The following CCDC82 variants were observed in gnomAD, a reference collection of about 807,000 sequenced individuals.
CCDC82 encodes the protein coiled-coil domain containing 82, also known as coiled-coil domain-containing protein 82.
In CCDC82, 47 loss-of-function variants were observed where a neutral mutation model predicts 60.6. That is an observed-to-expected ratio of 0.77 (90% CI 0.61 to 0.99). The LOEUF (loss-of-function observed/expected upper bound fraction) is 0.99, where lower values mean the gene tolerates loss of function less well. Among genes scored for constraint, CCDC82 ranks in the 50% least tolerant of loss-of-function variants. The pLI is 0.00. For missense variants in CCDC82, 588 were observed against 633.0 expected (o/e 0.93, Z 0.76); for synonymous variants, 212 against 207.4 (o/e 1.02, Z -0.19).
intron 6 of CCDC82, among the ~76,000 whole-genome samples, chr11:96,372,879 C>G (rs941164663): frequency 6.6e-6 from 1 of 151,306 alleles, no homozygotes; most frequent in East Asian, 1.9e-4. Context: ...AGAATGATGG[C>G]GGCACAAATG....
chr11:96,369,592 A>G (rs1865150057), intron 7 of CCDC82, among the ~76,000 whole-genome samples: 1 of 152,246 alleles, frequency 6.6e-6, no homozygotes, highest in Non-Finnish European at 1.5e-5. Flanking sequence ...TCACTATTAT[A>G]TGGGCATGGT....
intron 5 of CCDC82, among the ~76,000 whole-genome samples, chr11:96,377,893 T>C (rs1337934140): frequency 6.6e-6 from 1 of 152,074 alleles, no homozygotes; most frequent in African/African-American, 2.4e-5. Flanking sequence ...TCAAGAATAC[T>C]TTCTTCTATA....
At chr11:96,377,852 G>A (rs140445600) in intron 5 of CCDC82, among the ~76,000 whole-genome samples, 2 of 151,992 alleles carry the variant, frequency 1.3e-5, no homozygotes, top group Admixed American at 1.3e-4. Flanking sequence ...TCTTTAATCT[G>A]CATAAATGTG....
rs1864393136 is a variant in CCDC82 at position 96,357,234 on chromosome 11, T to C, written c.1566+1759A>G. Reference sequence around the variant, plus strand: ...GGTTTATATTGGCTATAAACCTCTGTGGTTTCTAGGAAATCTTTTGAGAAA... The same window carrying C: ...GGTTTATATTGGCTATAAACCTCTGCGGTTTCTAGGAAATCTTTTGAGAAA... On this transcript the variant is annotated intron_variant, in intron 9 of 9. Transcript: ENST00000646818. 8 of 985,406 alleles carry C rather than the reference T, an allele frequency of 8.1e-6. No homozygotes were observed. In the South Asian group the frequency reaches 3.8e-4, roughly 46 times the overall value. 61.0% of individuals were successfully genotyped at this position (985,406 alleles called of 1,614,324 possible).
At chr11:96,357,144 G>A (rs1591157844) in intron 9 of CCDC82, 2 of 985,448 alleles carry the variant, frequency 2.0e-6, no homozygotes, top group African/African-American at 3.5e-5. Flanking sequence ...ACAGAGTGAG[G>A]ATGGGAAATG....
intron 7 of CCDC82, among the ~76,000 whole-genome samples, chr11:96,366,659 G>C (rs915466400): frequency 1.3e-5 from 2 of 152,342 alleles, no homozygotes; most frequent in East Asian, 3.9e-4. Flanking sequence ...AGGAGGCTGA[G>C]GTGGGAGGAT....
At chr11:96,382,210 GAA>G (rs969591271) in intron 5 of CCDC82, 9 of 151,824 alleles carry the variant, frequency 5.9e-5, no homozygotes, top group African/African-American at 2.2e-4. Flanking sequence ...TTATTTGAAA[GAA>G]AGAGTGACAA....
At chr11:96,369,114 A>C (rs1296317452) in intron 7 of CCDC82, among the ~76,000 whole-genome samples, 1 of 152,182 alleles carries the variant, frequency 6.6e-6, no homozygotes, top group Non-Finnish European at 1.5e-5. Flanking sequence ...CACCTCACTG[A>C]GCATTCATGG....
chr11:96,360,207 GT>G (rs59315465), intron 8 of CCDC82, among the ~76,000 whole-genome samples: 50,304 of 138,530 alleles, frequency 0.36, 8,947 homozygotes, highest in Non-Finnish European at 0.4. Flanking sequence ...TATTTTTTTT[GT>G]TTTTTTTTTC....
intron 6 of CCDC82, among the ~76,000 whole-genome samples, chr11:96,371,475 G>A (rs1865268914): frequency 6.6e-6 from 1 of 152,106 alleles, no homozygotes. Flanking sequence ...CCAGCTACTC[G>A]GGAGGCTGAG....
chr11:96,358,843 T>C (rs1324238380), intron 9 of CCDC82, 150 bp downstream of exon 9: 27 of 821,064 alleles, frequency 3.3e-5, no homozygotes, highest in Non-Finnish European at 4.8e-5. Flanking sequence ...ATGATAAGCA[T>C]GAAAGGAATG....
rs780415627 is a variant in CCDC82, at chr11:96,375,945, G to C, written c.992-2478C>G. On this transcript the variant is annotated intron_variant, in intron 5 of 9. Coordinates refer to ENST00000646818, the MANE Select transcript of CCDC82 (RefSeq NM_024725.4). ...GCTCTCCTTCAGAGCTTTTCTCATAGTGCTTTAATCCCTATATTGAATGAG... is the reference window on the plus strand; with the variant it reads ...GCTCTCCTTCAGAGCTTTTCTCATACTGCTTTAATCCCTATATTGAATGAG... 1.7e-4 allele frequency among the ~76,000 whole-genome samples: 26 copies of C among 152,304 alleles called. No homozygotes were observed. In the Middle Eastern group the frequency reaches 0.01, roughly 60 times the overall value.
chr11:96,380,762 T>C (rs1320754720), intron 5 of CCDC82: 1 of 151,794 alleles, frequency 6.6e-6, no homozygotes, highest in Non-Finnish European at 1.5e-5. Context: ...TGATTCCAAC[T>C]ATATGACAGT....
intron 5 of CCDC82, among the ~76,000 whole-genome samples, chr11:96,377,612 G>A (rs1865657776): frequency 6.6e-6 from 1 of 152,020 alleles, no homozygotes; most frequent in Admixed American, 6.6e-5. Flanking sequence ...TATGGACATT[G>A]AATGTTACCA....
intron 7 of CCDC82, among the ~76,000 whole-genome samples, chr11:96,368,395 T>G (rs917186986): frequency 5.9e-5 from 9 of 152,128 alleles, no homozygotes; most frequent in African/African-American, 2.2e-4. Context: ...GTTGTTCCAT[T>G]TATAGAGCAC....
intron 5 of CCDC82, among the ~76,000 whole-genome samples, chr11:96,373,765 G>A (rs1865416645): frequency 6.6e-6 from 1 of 152,088 alleles, no homozygotes; most frequent in Non-Finnish European, 1.5e-5. Context: ...ATTATCCCTT[G>A]CACACCTATA....
chr11:96,358,597 A>G, intron 9 of CCDC82: 1 of 1,234,548 alleles, frequency 8.1e-7, no homozygotes. Context: ...GTGCTTCTTC[A>G]CTCTCAGGTC....
chr11:96,360,385 A>G (rs1864593661), intron 8 of CCDC82, among the ~76,000 whole-genome samples: 1 of 150,412 alleles, frequency 6.6e-6, no homozygotes, highest in Non-Finnish European at 1.5e-5. Context: ...TTTTTAGTAG[A>G]GACGGGATTT....
intron 9 of CCDC82, chr11:96,358,526 A>G (rs556843635): frequency 8.1e-7 from 1 of 1,233,576 alleles, no homozygotes; most frequent in East Asian, 3.2e-5. Context: ...CATGTCCTCA[A>G]GAAGAGGATG....
Sources: gnomAD v4.1 joint callset for allele counts (sites outside exome capture counted in the v4.1 genomes callset) on GRCh38, gnomAD v4.1.1 for gene constraint, MANE v1.5 for transcripts, NCBI Gene and HGNC (gene_info 2026-07-23, HGNC 2026-07-21) for gene names.